ALMS1: variants seen among roughly 807,000 people sequenced by gnomAD.
ALMS1 encodes ALMS1 centrosome and basal body associated protein.
A neutral mutation model predicts 352.2 loss-of-function variants in ALMS1; 271 were observed. The ratio of observed to expected loss-of-function variants is 0.77; its 90% CI spans 0.70 to 0.85. The LOEUF (loss-of-function observed/expected upper bound fraction) is 0.85. Ranked by LOEUF, ALMS1 falls within the 40% of genes least tolerant of loss-of-function variation. ALMS1 has a pLI of 0.00. For synonymous variants in ALMS1, 1,865 were observed against 1,761.2 expected (o/e 1.06, Z -1.48); for missense variants, 5,445 against 4,870.7 (o/e 1.12, Z -3.51).
rs766878343 is a variant in ALMS1 at position 73,490,165 on chromosome 2, G to A, written c.8206G>A (p.Val2736Ile). The change falls in exon 10 of 23, where the codon GTT becomes ATT. Residue 2736 changes from valine to isoleucine, a missense_variant. Coordinates refer to ENST00000613296, the MANE Select transcript of ALMS1 (RefSeq NM_001378454.1). ...CAATTCCTCTGTTGTTAAGGTTGGTGTTACTGAAGGTAGCCAGTGTACTGG... is the reference window on the plus strand; with the variant it reads ...CAATTCCTCTGTTGTTAAGGTTGGTATTACTGAAGGTAGCCAGTGTACTGG... ...ISNSSVVKVG[V>I]TEGSQCTGAS... is the part of the protein sequence containing the mutation. 7 of 1,614,066 alleles carry A rather than the reference G, an allele frequency of 4.3e-6. No individual in the cohort carries two copies. In the African/African-American group the frequency reaches 9.3e-5, roughly 22 times the overall value.
intron 12 of ALMS1, among the ~76,000 whole-genome samples, chr2:73,541,011 A>G (rs770065206): frequency 6.6e-6 from 1 of 152,170 alleles, no homozygotes; most frequent in Non-Finnish European, 1.5e-5. Context: ...TCAGCTCTGC[A>G]TGAAGCAGAC....
chr2:73,509,865 G>A (rs894754642), intron 10 of ALMS1, among the ~76,000 whole-genome samples: 27 of 152,212 alleles, frequency 1.8e-4, no homozygotes, highest in Admixed American at 5.2e-4. Flanking sequence ...TTCCAACTTG[G>A]TTCCATTCTC....
At chr2:73,532,614 C>T (rs1673938720) in intron 11 of ALMS1, among the ~76,000 whole-genome samples, 1 of 151,992 alleles carries the variant, frequency 6.6e-6, no homozygotes, top group Non-Finnish European at 1.5e-5. Flanking sequence ...CTGGAACTCT[C>T]ACTTCAGGGC....
rs1488907296 is a variant in ALMS1 at position 73,490,950 on chromosome 2, G to C, written c.8991G>C (p.Lys2997Asn). 2 of 1,614,056 alleles carry C rather than the reference G, an allele frequency of 1.2e-6. No homozygotes were observed. The highest frequency in any genetic ancestry group is 2.7e-5 in the African/African-American group (2 of 74,926). Reference sequence around the variant, plus strand: ...AAGGTCAGGATTGTGTAGTGGAAAAGAATAATCAACATAAGCCTAAATCAC... The same window carrying C: ...AAGGTCAGGATTGTGTAGTGGAAAACAATAATCAACATAAGCCTAAATCAC... ...LPQGQDCVVE[K>N]NNQHKPKSHI... Residue 2997 changes from lysine (K) to asparagine (N), a missense_variant, in exon 10 of 23, where the codon AAG becomes AAC. Lys to Asn is a moderately conservative substitution (Grantham distance 94, BLOSUM62 0). Transcript: ENST00000613296.
At chr2:73,411,464 C>T (rs1033548053) in intron 2 of ALMS1, among the ~76,000 whole-genome samples, 16 of 152,138 alleles carry the variant, frequency 1.1e-4, no homozygotes, top group African/African-American at 3.1e-4. Flanking sequence ...AAACTAATAC[C>T]GGGTCATATT....
chr2:73,414,485 TTTTG>T (rs1426145259), intron 2 of ALMS1, among the ~76,000 whole-genome samples: 9 of 59,852 alleles, frequency 1.5e-4, no homozygotes, highest in Non-Finnish European at 3.3e-4. Flanking sequence ...TTTTTTTTTT[TTTTG>T]TTTTTTTTTT....
At chr2:73,422,377 T>C (rs756480877) in intron 3 of ALMS1, among the ~76,000 whole-genome samples, 60 of 152,106 alleles carry the variant, frequency 3.9e-4, no homozygotes, top group Admixed American at 3.1e-3. Flanking sequence ...ATTTTGACAT[T>C]AGGTACCCCC....
intron 1 of ALMS1, among the ~76,000 whole-genome samples, chr2:73,398,327 G>T (rs961992716): frequency 3.3e-5 from 5 of 152,120 alleles, no homozygotes; most frequent in African/African-American, 1.2e-4. Flanking sequence ...CTTCAATTCT[G>T]TTTTATTGAT....
chr2:73,542,642 A>G (rs1328143732), intron 12 of ALMS1, among the ~76,000 whole-genome samples: 1 of 152,238 alleles, frequency 6.6e-6, no homozygotes. Context: ...AATCTCCTTA[A>G]GCTGATAAGC....
At chr2:73,465,144 G>A (rs1416667919) in intron 9 of ALMS1, among the ~76,000 whole-genome samples, 1 of 149,190 alleles carries the variant, frequency 6.7e-6, no homozygotes, top group Non-Finnish European at 1.5e-5. Context: ...CTACTTTAAA[G>A]TTCATATGGA....
At chr2:73,500,670 C>G (rs150651875) in intron 10 of ALMS1, among the ~76,000 whole-genome samples, 20 of 152,238 alleles carry the variant, frequency 1.3e-4, no homozygotes, top group African/African-American at 4.8e-4. Context: ...TAGAAGGCTT[C>G]GCTGTGAAGT....
At chr2:73,468,792 T>C (rs1222139151) in intron 9 of ALMS1, among the ~76,000 whole-genome samples, 1 of 152,030 alleles carries the variant, frequency 6.6e-6, no homozygotes, top group Non-Finnish European at 1.5e-5. Context: ...TTATTTACTT[T>C]TAAAGTAATT....
intron 15 of ALMS1, among the ~76,000 whole-genome samples, chr2:73,564,791 C>A (rs1017197530): frequency 1.3e-5 from 2 of 152,176 alleles, no homozygotes; most frequent in Non-Finnish European, 2.9e-5. Flanking sequence ...AAGATAAACA[C>A]GTCCATGTAG....
chr2:73,491,286 G>C lies in ALMS1; in HGVS notation c.9327G>C (p.Gln3109His). Residue 3109 changes from glutamine to histidine, a missense_variant, in exon 10 of 23, where the codon CAG becomes CAC. Gln to His is a conservative substitution (Grantham distance 24). Transcript: ENST00000613296. ...SKLLTSKPVA[Q>H]DQESLGFLGP... Reference sequence around the variant, plus strand: ...TATTGACCAGTAAACCTGTAGCACAGGATCAAGAATCTTTAGGTTTTCTAG... The same window carrying C: ...TATTGACCAGTAAACCTGTAGCACACGATCAAGAATCTTTAGGTTTTCTAG... 1.2e-6 allele frequency: 2 copies of C among 1,614,146 alleles called. No individual in the cohort carries two copies. Among genetic ancestry groups the C allele is most frequent in the Non-Finnish European group, 1.7e-6 (2 of 1,180,006 alleles).
At chr2:73,437,746 A>G (rs900287909) in intron 7 of ALMS1, among the ~76,000 whole-genome samples, 1 of 152,182 alleles carries the variant, frequency 6.6e-6, no homozygotes, top group African/African-American at 2.4e-5. Flanking sequence ...CAGTCTTGAC[A>G]TCTGAAACTG....
At chr2:73,555,654 A>G (rs1246613024) in intron 13 of ALMS1, among the ~76,000 whole-genome samples, 1 of 152,224 alleles carries the variant, frequency 6.6e-6, no homozygotes, top group Admixed American at 6.5e-5. Flanking sequence ...TCAAACAATT[A>G]AAAGACATGA....
chr2:73,573,824 CACAG>C (rs1347676138), intron 16 of ALMS1, among the ~76,000 whole-genome samples: 1 of 147,232 alleles, frequency 6.8e-6, no homozygotes. Flanking sequence ...AACACACACA[CACAG>C]ACAAACACAT....
chr2:73,492,892 C>T (rs1673021557), intron 10 of ALMS1, among the ~76,000 whole-genome samples: 1 of 151,884 alleles, frequency 6.6e-6, no homozygotes, highest in Non-Finnish European at 1.5e-5. Context: ...CGTGCACCAC[C>T]ATGCCTGGCT....
chr2:73,544,504 T>TA (rs1674269817), intron 12 of ALMS1, among the ~76,000 whole-genome samples: 1 of 152,000 alleles, frequency 6.6e-6, no homozygotes, highest in Non-Finnish European at 1.5e-5. Context: ...CCCTAAAACT[T>TA]AAAGTATAGT....
Sources: allele counts gnomAD v4.1 joint callset (sites outside exome capture counted in the v4.1 genomes callset), GRCh38; gene constraint gnomAD v4.1.1; transcripts MANE v1.5; gene names NCBI Gene and HGNC (gene_info 2026-07-23, HGNC 2026-07-21).